The following YAP1 variants were observed in gnomAD, a reference collection of about 807,000 sequenced individuals.
The protein encoded by YAP1 is Yes1 associated transcriptional regulator, also known as transcriptional coactivator YAP1.
In YAP1, 5 loss-of-function variants were observed where a neutral mutation model predicts 56.9. The ratio of observed to expected loss-of-function variants is 0.09; its 90% CI spans 0.05 to 0.18. The LOEUF is 0.18. Among genes scored for constraint, YAP1 ranks in the 10% least tolerant of loss-of-function variants. The pLI is 1.00. For synonymous variants in YAP1, 265 were observed against 248.1 expected (o/e 1.07, Z -0.64); for missense variants, 539 against 651.8 (o/e 0.83, Z 1.88).
At chr11:102,127,472 A>T (rs1895917) in intron 2 of YAP1, among the ~76,000 whole-genome samples, 72,216 of 152,098 alleles carry the variant, frequency 0.47, 18,338 homozygotes, top group African/African-American at 0.65. Context: ...TGGTGTTGAG[A>T]GTGCAGTTGC....
chr11:102,169,396 G>C (rs1946780644), intron 3 of YAP1, among the ~76,000 whole-genome samples: 1 of 152,122 alleles, frequency 6.6e-6, no homozygotes, highest in South Asian at 2.1e-4. Flanking sequence ...ATCAAATTGA[G>C]GTCATTGGCT....
At chr11:102,114,956 T>C (rs1943187326) in intron 2 of YAP1, among the ~76,000 whole-genome samples, 1 of 152,198 alleles carries the variant, frequency 6.6e-6, no homozygotes, top group African/African-American at 2.4e-5. Context: ...GAAATAAAAA[T>C]TTTTAGGTTT....
chr11:102,172,791 G>T lies in YAP1; in HGVS notation c.688+10220G>T, dbSNP rs568824317. ...ATGATAGCTTAGATTACCTTCTCCAGTGCAGGTCTCTGTAATTGACGTCTT... is the reference window on the plus strand; with the variant it reads ...ATGATAGCTTAGATTACCTTCTCCATTGCAGGTCTCTGTAATTGACGTCTT... On this transcript the variant is annotated intron_variant, in intron 3 of 8. Coordinates refer to ENST00000282441, the MANE Select transcript of YAP1 (RefSeq NM_001130145.3). 1.1e-4 allele frequency among the ~76,000 whole-genome samples: 16 copies of T among 152,286 alleles called. No individual in the cohort carries two copies. The South Asian group carries it at 2.1e-3, about 20-fold the overall frequency.
At chr11:102,217,650 A>AG (rs1171494599) in intron 6 of YAP1, among the ~76,000 whole-genome samples, 1 of 152,200 alleles carries the variant, frequency 6.6e-6, no homozygotes, top group Admixed American at 6.5e-5. Flanking sequence ...TGAAGGTTGA[A>AG]GTAGGGGAGG....
At chr11:102,206,161 T>A in intron 5 of YAP1, 87 bp downstream of exon 5, 1 of 1,471,392 alleles carries the variant, frequency 6.8e-7, no homozygotes, top group Non-Finnish European at 9.2e-7. Context: ...CATTTATTAG[T>A]TACAGAGGAA....
intron 2 of YAP1, among the ~76,000 whole-genome samples, chr11:102,139,819 C>T (rs911267627): frequency 2.0e-5 from 3 of 152,010 alleles, no homozygotes; most frequent in Non-Finnish European, 2.9e-5. Context: ...TTGTAGATTG[C>T]TTTGTTGCCT....
At chr11:102,146,200 A>G (rs1475230311) in intron 2 of YAP1, among the ~76,000 whole-genome samples, 4 of 152,140 alleles carry the variant, frequency 2.6e-5, no homozygotes, top group Non-Finnish European at 5.9e-5. Context: ...TTAATAAAAG[A>G]CAAATAGAGA....
At chr11:102,195,574 A>G (rs553735652) in intron 4 of YAP1, among the ~76,000 whole-genome samples, 13 of 152,136 alleles carry the variant, frequency 8.5e-5, no homozygotes, top group South Asian at 2.1e-4. Flanking sequence ...CATGGGGGCA[A>G]TTTCTCCCAT....
In YAP1 at chr11:102,230,143, C is replaced by G. The variant is rs1353379073; in HGVS notation, c.*203C>G. On this transcript the variant is annotated 3_prime_UTR_variant, in exon 9 of 9. Coordinates refer to ENST00000282441, the MANE Select transcript of YAP1 (RefSeq NM_001130145.3). ...TTGCTGACCTCTTTCACAGTTGGCT[C>G]TAAAGAATCAAAAGAAAAAAACTTT... 4.1e-6 allele frequency: 2 copies of G among 485,156 alleles called. No homozygotes were observed. Among genetic ancestry groups the G allele is most frequent in the East Asian group, 6.3e-5 (2 of 31,866 alleles). 30.1% of individuals were successfully genotyped at this position (485,156 alleles called of 1,614,324 possible). A position where few individuals can be genotyped will look rare whatever the true frequency, so the allele number is the denominator to read the frequency against.
intron 6 of YAP1, among the ~76,000 whole-genome samples, chr11:102,216,000 G>A (rs982307092): frequency 1.3e-5 from 2 of 152,162 alleles, no homozygotes; most frequent in African/African-American, 4.8e-5. Flanking sequence ...TCCCATACAA[G>A]CGCGCGTGCT....
intron 3 of YAP1, among the ~76,000 whole-genome samples, chr11:102,182,234 C>T (rs937030566): frequency 1.3e-5 from 2 of 152,192 alleles, no homozygotes; most frequent in Admixed American, 6.5e-5. Flanking sequence ...TGTGTTTTAA[C>T]AAACCTTCCA....
intron 2 of YAP1, among the ~76,000 whole-genome samples, chr11:102,118,369 C>T (rs769624695): frequency 6.6e-6 from 1 of 151,924 alleles, no homozygotes; most frequent in Non-Finnish European, 1.5e-5. Context: ...AGATTTTTGA[C>T]ATTGCATGGC....
chr11:102,175,250 A>G (rs770397865), intron 3 of YAP1, among the ~76,000 whole-genome samples: 2 of 152,082 alleles, frequency 1.3e-5, no homozygotes, highest in African/African-American at 4.8e-5. Context: ...AAATACAAAA[A>G]TTAGCCGGGC....
At chr11:102,115,337 C>T (rs888563140) in intron 2 of YAP1, among the ~76,000 whole-genome samples, 5 of 152,070 alleles carry the variant, frequency 3.3e-5, no homozygotes, top group African/African-American at 9.7e-5. Flanking sequence ...AGTTTTGATT[C>T]GGATAGGTCT....
intron 6 of YAP1, among the ~76,000 whole-genome samples, chr11:102,218,908 C>A (rs551702897): frequency 6.6e-6 from 1 of 152,254 alleles, no homozygotes; most frequent in African/African-American, 2.4e-5. Flanking sequence ...AAATTCAAAG[C>A]AGCAAGAACA....
At chr11:102,112,468 C>G in intron 1 of YAP1, 1 of 450,356 alleles carries the variant, frequency 2.2e-6, no homozygotes, top group Non-Finnish European at 2.7e-6. Flanking sequence ...TCAGGCTAAA[C>G]TTCAGCATAG....
intron 6 of YAP1, 29 bp downstream of exon 6, chr11:102,209,593 G>T: frequency 7.1e-7 from 1 of 1,414,270 alleles, no homozygotes; most frequent in South Asian, 1.4e-5. Flanking sequence ...TTTTAGCACT[G>T]GAAAAAAAAA....
chr11:102,192,090 T>G (rs1948320413), intron 4 of YAP1, among the ~76,000 whole-genome samples: 1 of 152,216 alleles, frequency 6.6e-6, no homozygotes, highest in Admixed American at 6.5e-5. Flanking sequence ...ACCTTTCCCT[T>G]TACTAGTTTA....
At chr11:102,174,407 G>C (rs1947110019) in intron 3 of YAP1, among the ~76,000 whole-genome samples, 1 of 151,942 alleles carries the variant, frequency 6.6e-6, no homozygotes, top group Non-Finnish European at 1.5e-5. Context: ...GACCATCCTG[G>C]CCAACATGGT....
Sources: gnomAD v4.1 joint callset for allele counts (sites outside exome capture counted in the v4.1 genomes callset) on GRCh38, gnomAD v4.1.1 for gene constraint, MANE v1.5 for transcripts, NCBI Gene and HGNC (gene_info 2026-07-23, HGNC 2026-07-21) for gene names.